Variants in TOM1L2 observed in about 807,000 individuals in gnomAD.
TOM1L2 encodes the protein target of myb1 like 2 membrane trafficking protein, also known as TOM1-like protein 2.
In TOM1L2, 31 loss-of-function variants were observed where a neutral mutation model predicts 67.9. The ratio of observed to expected loss-of-function variants is 0.46; its 90% CI spans 0.34 to 0.62. TOM1L2 has a LOEUF of 0.62. TOM1L2 is among the 20% of genes least tolerant of loss of function. TOM1L2 has a pLI of 0.01. For missense variants in TOM1L2, 606 were observed against 663.5 expected, an observed-to-expected ratio of 0.91 and a Z score of 0.95; for synonymous variants, 256 against 254.0, an observed-to-expected ratio of 1.01 and a Z score of -0.07.
chr17:17,869,316 A>G (rs1314230096), intron 8 of TOM1L2, 24 bp downstream of exon 8: 1 of 1,601,502 alleles, frequency 6.2e-7, no homozygotes, highest in Non-Finnish European at 8.5e-7. Context: ...GGGAAAAAAA[A>G]AAAAAAAGAA....
intron 1 of TOM1L2, among the ~76,000 whole-genome samples, chr17:17,913,264 A>ACCGTG (rs1371840415): frequency 7.1e-6 from 1 of 140,430 alleles, no homozygotes; most frequent in Non-Finnish European, 1.5e-5. Flanking sequence ...GAGACGGGAG[A>ACCGTG]GGGAGAGGGA....
At chr17:17,857,595 A>G (rs1479598522) in intron 12 of TOM1L2, among the ~76,000 whole-genome samples, 3 of 152,216 alleles carry the variant, frequency 2.0e-5, no homozygotes, top group Non-Finnish European at 4.4e-5. Flanking sequence ...TGTGGCTTAC[A>G]GAGATTATGC....
intron 2 of TOM1L2, among the ~76,000 whole-genome samples, chr17:17,901,138 G>C (rs1040623973): frequency 6.6e-6 from 1 of 152,234 alleles, no homozygotes; most frequent in African/African-American, 2.4e-5. Flanking sequence ...AGTACTGGCC[G>C]AGAGTGATGG....
At chr17:17,935,215 C>T (rs191546086) in intron 1 of TOM1L2, among the ~76,000 whole-genome samples, 1 of 152,346 alleles carries the variant, frequency 6.6e-6, no homozygotes, top group African/African-American at 2.4e-5. Flanking sequence ...AAGTTGGATG[C>T]TGTTAACTTT....
At chr17:17,896,453 T>TA (rs2144263591) in intron 3 of TOM1L2, among the ~76,000 whole-genome samples, 1 of 152,286 alleles carries the variant, frequency 6.6e-6, no homozygotes, top group Admixed American at 6.5e-5. Flanking sequence ...AATACATGCT[T>TA]AGTTTCTCCT....
At chr17:17,917,201 G>T (rs184092221) in intron 1 of TOM1L2, among the ~76,000 whole-genome samples, 2 of 151,544 alleles carry the variant, frequency 1.3e-5, no homozygotes, top group Non-Finnish European at 2.9e-5. Context: ...GCGTGGTGGC[G>T]CACACCTGTT....
chr17:17,932,786 T>G (rs1360347613), intron 1 of TOM1L2, among the ~76,000 whole-genome samples: 4 of 152,284 alleles, frequency 2.6e-5, no homozygotes, highest in Non-Finnish European at 4.4e-5. Context: ...CCCATTTTAT[T>G]GTGCACCCGA....
intron 8 of TOM1L2, among the ~76,000 whole-genome samples, chr17:17,867,600 T>TG (rs1240756358): frequency 2.6e-5 from 4 of 151,964 alleles, no homozygotes; most frequent in African/African-American, 9.7e-5. Context: ...TGTGTTGGGG[T>TG]GGGGCAGAAT....
At chr17:17,876,031 G>T (rs760905456) in intron 7 of TOM1L2, among the ~76,000 whole-genome samples, 33 of 152,292 alleles carry the variant, frequency 2.2e-4, no homozygotes, top group Non-Finnish European at 3.2e-4. Context: ...GCTGATGAAC[G>T]GCCACAGAAG....
intron 1 of TOM1L2, among the ~76,000 whole-genome samples, chr17:17,914,601 G>C (rs1194663884): frequency 6.6e-6 from 1 of 152,154 alleles, no homozygotes; most frequent in East Asian, 1.9e-4. Flanking sequence ...TCCCCATCTT[G>C]TAGACAAGTA....
At position 17,847,663 on chromosome 17, in the gene TOM1L2, C is replaced by T. The variant is rs1332115184; in HGVS notation, c.1496G>A (p.Arg499Gln). 1.2e-5 allele frequency: 19 copies of T among 1,613,434 alleles called. No homozygotes were observed. The highest frequency in any genetic ancestry group is 2.7e-5 in the African/African-American group (2 of 75,004). ...CAGGGCGAAGAGGGCATCCTCTGAC[C>T]GCTCTGGCTTCTTCCGGCCAGAAGG... ...SNPSGRKKPE[R>Q]SEDALFAL Residue 499 changes from arginine to glutamine, a missense_variant, in exon 15 of 15, where the codon CGG becomes CAG. Physicochemically the swap from Arg to Gln is conservative, Grantham distance 43. Coordinates refer to ENST00000379504, the MANE Select transcript of TOM1L2 (RefSeq NM_001082968.2).
At chr17:17,891,522 ACAGT>A (rs1252636983) in intron 4 of TOM1L2, among the ~76,000 whole-genome samples, 4 of 152,144 alleles carry the variant, frequency 2.6e-5, no homozygotes, top group Non-Finnish European at 4.4e-5. Context: ...TGGTCCCCAC[ACAGT>A]CAGCAGGGAC....
At chr17:17,906,487 T>A (rs753236656) in intron 2 of TOM1L2, among the ~76,000 whole-genome samples, 9 of 152,044 alleles carry the variant, frequency 5.9e-5, no homozygotes, top group Non-Finnish European at 1.0e-4. Context: ...TCTCTCCCCA[T>A]CTCCCTTCCA....
chr17:17,930,775 A>G (rs1414198019), intron 1 of TOM1L2, among the ~76,000 whole-genome samples: 1 of 152,260 alleles, frequency 6.6e-6, no homozygotes, highest in Non-Finnish European at 1.5e-5. Context: ...ACCAAGAACC[A>G]GAGAGATAAG....
At chr17:17,950,653 T>C (rs752369407) in intron 1 of TOM1L2, among the ~76,000 whole-genome samples, 2 of 152,196 alleles carry the variant, frequency 1.3e-5, no homozygotes, top group Non-Finnish European at 2.9e-5. Context: ...CTTGCTTTGA[T>C]TTCAATGTAT....
rs924622507 is a variant in TOM1L2, at chr17:17,872,778, C to T, written c.778-3305G>A. Among the ~76,000 whole-genome samples, 6 of 152,256 alleles carry T rather than the reference C, an allele frequency of 3.9e-5. No individual in the cohort carries two copies. The South Asian group carries it at 1.0e-3, about 26-fold the overall frequency. The stretch of plus-strand genomic sequence containing the variant: ...AGTCCCAGCTCAGGACCCACCCCCT[C>T]CAGCAAACAGGCCCATTACAAGAAA... On this transcript the variant is annotated intron_variant, in intron 7 of 14. Coordinates refer to ENST00000379504, the MANE Select transcript of TOM1L2 (RefSeq NM_001082968.2).
At chr17:17,882,585 ATC>A (rs2037780642) in intron 6 of TOM1L2, 118 bp downstream of exon 6, 1 of 1,362,408 alleles carries the variant, frequency 7.3e-7, no homozygotes, top group Non-Finnish European at 1.0e-6. Flanking sequence ...GAGCCCTTCC[ATC>A]TCTGTGTCCC....
intron 4 of TOM1L2, among the ~76,000 whole-genome samples, chr17:17,892,565 T>C (rs1209875222): frequency 2.6e-5 from 4 of 152,148 alleles, no homozygotes; most frequent in African/African-American, 9.7e-5. Flanking sequence ...TCAGCATGCA[T>C]GGCCACTGGC....
intron 7 of TOM1L2, among the ~76,000 whole-genome samples, chr17:17,873,217 C>G (rs1048321590): frequency 6.6e-6 from 1 of 152,188 alleles, no homozygotes; most frequent in Non-Finnish European, 1.5e-5. Context: ...TTCAAACATA[C>G]AGCAAAACAG....
Sources: gnomAD v4.1 joint callset for allele counts (sites outside exome capture counted in the v4.1 genomes callset) on GRCh38, gnomAD v4.1.1 for gene constraint, MANE v1.5 for transcripts, NCBI Gene and HGNC (gene_info 2026-07-23, HGNC 2026-07-21) for gene names.